ALCAM: variants seen among roughly 807,000 people sequenced by gnomAD.
The protein encoded by ALCAM is CD166 antigen.
In ALCAM, 30 loss-of-function variants were observed where a neutral mutation model predicts 70.9. The ratio of observed to expected loss-of-function variants is 0.42; its 90% CI spans 0.32 to 0.57. ALCAM has a LOEUF of 0.57. ALCAM is among the 20% of genes least tolerant of loss of function. ALCAM has a pLI of 0.11. For synonymous variants in ALCAM, 249 were observed against 242.5 expected (o/e 1.03, Z -0.25); for missense variants, 591 against 695.1 (o/e 0.85, Z 1.68).
chr3:105,497,032 A>T (rs529491470), intron 1 of ALCAM, among the ~76,000 whole-genome samples: 2 of 152,040 alleles, frequency 1.3e-5, no homozygotes, highest in Non-Finnish European at 2.9e-5. Context: ...AAACGTCTTT[A>T]CTCTATTTTT....
At chr3:105,535,865 C>T (rs9811466) in intron 6 of ALCAM, among the ~76,000 whole-genome samples, 76,193 of 151,746 alleles carry the variant, frequency 0.5, 19,458 homozygotes, top group East Asian at 0.76. Flanking sequence ...CTGAGCCTTT[C>T]GAAAGAATCA....
intron 1 of ALCAM, among the ~76,000 whole-genome samples, chr3:105,445,584 A>G (rs73183108): frequency 0.15 from 22,792 of 152,210 alleles, 1,821 homozygotes; most frequent in Middle Eastern, 0.19. Context: ...AAAATACACT[A>G]CAAAGCTAAT....
chr3:105,531,850 TC>T, intron 3 of ALCAM, 151 bp from the exon 4 acceptor site: 1 of 713,100 alleles, frequency 1.4e-6, no homozygotes, highest in Non-Finnish European at 2.5e-6. Context: ...ACCTATAGAT[TC>T]CCCAAATCCA....
intron 1 of ALCAM, among the ~76,000 whole-genome samples, chr3:105,387,432 A>G (rs1259041030): frequency 6.6e-6 from 1 of 151,660 alleles, no homozygotes; most frequent in African/African-American, 2.4e-5. Flanking sequence ...ACTTAAAAAA[A>G]AAAACATTGA....
chr3:105,541,420 A>G (rs1940113014), intron 7 of ALCAM, among the ~76,000 whole-genome samples: 1 of 152,026 alleles, frequency 6.6e-6, no homozygotes, highest in Non-Finnish European at 1.5e-5. Flanking sequence ...TCAATAGAAA[A>G]TAAATCAGCT....
intron 1 of ALCAM, among the ~76,000 whole-genome samples, chr3:105,495,541 C>T (rs2152613313): frequency 6.6e-6 from 1 of 151,976 alleles, no homozygotes; most frequent in East Asian, 1.9e-4. Context: ...TAAACTCAGG[C>T]AATGAAATAG....
chr3:105,475,781 C>T (rs540803790), intron 1 of ALCAM, among the ~76,000 whole-genome samples: 8 of 151,986 alleles, frequency 5.3e-5, no homozygotes, highest in African/African-American at 1.4e-4. Flanking sequence ...GAACTTTACA[C>T]GCTTGTGTAC....
chr3:105,422,583 A>G (rs1297453269), intron 1 of ALCAM, among the ~76,000 whole-genome samples: 1 of 151,422 alleles, frequency 6.6e-6, no homozygotes. Flanking sequence ...TCCTTAATTT[A>G]TGGCGCTGTT....
At chr3:105,408,214 T>G (rs944154827) in intron 1 of ALCAM, among the ~76,000 whole-genome samples, 4 of 149,428 alleles carry the variant, frequency 2.7e-5, no homozygotes, top group Admixed American at 6.7e-5. Flanking sequence ...AAAAAAAACT[T>G]AAAAGTCATA....
chr3:105,574,512 G>A lies in ALCAM; in HGVS notation c.*61G>A, dbSNP rs1311309462. ...CATATAGACCAATTGAAGCATGAAC[G>A]TGGATTGTATTTAAGACATAAACAA... On this transcript the variant is annotated 3_prime_UTR_variant, in exon 16 of 16. Transcript: ENST00000306107. The A allele has an allele frequency of 6.6e-6, 1 of 152,310 alleles. No individual in the cohort carries two copies. The highest frequency in any genetic ancestry group is 1.5e-5 in the Non-Finnish European group (1 of 67,990). The allele number at this position is 152,310 out of a possible 1,614,324, so 9.4% of individuals were successfully genotyped here. A position where few individuals can be genotyped will look rare whatever the true frequency, so the allele number is the denominator to read the frequency against.
At chr3:105,399,641 C>A (rs1936041487) in intron 1 of ALCAM, among the ~76,000 whole-genome samples, 1 of 152,036 alleles carries the variant, frequency 6.6e-6, no homozygotes. Flanking sequence ...GTAACTAATG[C>A]TAATTTCATA....
intron 15 of ALCAM, among the ~76,000 whole-genome samples, chr3:105,573,849 G>A (rs564070679): frequency 7.1e-4 from 108 of 152,304 alleles, no homozygotes; most frequent in Middle Eastern, 3.4e-3. Context: ...AGGATGGAGC[G>A]TGAGAAAATA....
At chr3:105,552,765 G>A in intron 14 of ALCAM, 180 bp downstream of exon 14, 1 of 1,418,864 alleles carries the variant, frequency 7.0e-7, no homozygotes, top group Non-Finnish European at 9.2e-7. Context: ...CTTTGTCAGG[G>A]ACATGGCTTG....
intron 1 of ALCAM, among the ~76,000 whole-genome samples, chr3:105,427,450 C>A (rs1936817836): frequency 1.3e-5 from 2 of 151,884 alleles, no homozygotes; most frequent in African/African-American, 4.8e-5. Flanking sequence ...CCATGGCTGC[C>A]ACTTCTGGCC....
At chr3:105,484,823 A>G (rs1027337294) in intron 1 of ALCAM, among the ~76,000 whole-genome samples, 2 of 152,084 alleles carry the variant, frequency 1.3e-5, no homozygotes, top group African/African-American at 4.8e-5. Flanking sequence ...CACCAGAAGA[A>G]AAGCTCTTCT....
At chr3:105,474,832 T>C (rs1178316401) in intron 1 of ALCAM, among the ~76,000 whole-genome samples, 3 of 151,784 alleles carry the variant, frequency 2.0e-5, no homozygotes, top group African/African-American at 7.2e-5. Flanking sequence ...TACTATTGGC[T>C]TACTAGTTGT....
chr3:105,436,794 G>T (rs1261246909), intron 1 of ALCAM, among the ~76,000 whole-genome samples: 1 of 152,156 alleles, frequency 6.6e-6, no homozygotes, highest in African/African-American at 2.4e-5. Context: ...AGTGGGGAAT[G>T]AAGTCAACTT....
chr3:105,509,782 C>CA (rs1335239793), intron 1 of ALCAM, among the ~76,000 whole-genome samples: 1 of 151,930 alleles, frequency 6.6e-6, no homozygotes, highest in Non-Finnish European at 1.5e-5. Context: ...GTGTCTTATC[C>CA]AAAAAAATTA....
intron 15 of ALCAM, among the ~76,000 whole-genome samples, chr3:105,573,341 A>T (rs1940896083): frequency 6.6e-6 from 1 of 152,148 alleles, no homozygotes; most frequent in Non-Finnish European, 1.5e-5. Context: ...TATAAAAATA[A>T]AAAAATAAAA....
Sources: allele counts gnomAD v4.1 joint callset (sites outside exome capture counted in the v4.1 genomes callset), GRCh38; gene constraint gnomAD v4.1.1; transcripts MANE v1.5; gene names NCBI Gene and HGNC (gene_info 2026-07-23, HGNC 2026-07-21).